SLC15A5: variants seen among roughly 807,000 people sequenced by gnomAD.
SLC15A5 encodes Peptide/histidine transporter ENSP00000340402.
SLC15A5 carries 58 observed loss-of-function variants against 56.1 expected under a neutral mutation model. That is an observed-to-expected ratio of 1.03 (90% confidence interval 0.84 to 1.29). The LOEUF is 1.29. Among genes scored for constraint, SLC15A5 ranks in the 50% most tolerant of loss-of-function variants. SLC15A5 has a pLI of 0.00. For synonymous variants in SLC15A5, 264 were observed against 250.5 expected, an observed-to-expected ratio of 1.05 and a Z score of -0.51; for missense variants, 681 against 672.1, an observed-to-expected ratio of 1.01 and a Z score of -0.15.
At chr12:16,218,437 C>G (rs988988554) in intron 6 of SLC15A5, among the ~76,000 whole-genome samples, 25 of 152,058 alleles carry the variant, frequency 1.6e-4, no homozygotes, top group Admixed American at 1.6e-3. Context: ...GGAGATATGT[C>G]CAGAGAAATG....
At chr12:16,241,121 T>A (rs1436687322) in intron 4 of SLC15A5, among the ~76,000 whole-genome samples, 8 of 152,088 alleles carry the variant, frequency 5.3e-5, no homozygotes, top group Non-Finnish European at 1.0e-4. Context: ...CCCATCATGA[T>A]CTTTAGTAGC....
chr12:16,226,088 C>T lies in SLC15A5; in HGVS notation c.1163-1486G>A, dbSNP rs114415433. On this transcript the variant is annotated intron_variant, in intron 5 of 8. Transcript: ENST00000344941. Reference sequence around the variant, plus strand: ...CTGCTGGGGATTGGTTCCAAGACCCCAAAGACACCAAAATTCCTGCTGCTC... The same window carrying T: ...CTGCTGGGGATTGGTTCCAAGACCCTAAAGACACCAAAATTCCTGCTGCTC... Among the ~76,000 whole-genome samples the T allele has an allele frequency of 6.5e-3, 988 of 152,234 alleles. 14 individuals are homozygous for T. The highest frequency in any genetic ancestry group is 0.023 in the African/African-American group (948 of 41,544).
chr12:16,272,547 C>T lies in SLC15A5; in HGVS notation c.584+14G>A, dbSNP rs973763312. The T allele has an allele frequency of 6.5e-7, 1 of 1,534,748 alleles. No individual in the cohort carries two copies. The highest frequency in any genetic ancestry group is 1.4e-5 in the African/African-American group (1 of 72,964). The stretch of plus-strand genomic sequence containing the variant: ...GTCATAAGCCTCTTTTCTCTCCTAG[C>T]CAGTGCTACTTACCAGTTAAAAAAA... On this transcript the variant is annotated intron_variant, in intron 2 of 8. Coordinates refer to ENST00000344941, the MANE Select transcript of SLC15A5 (RefSeq NM_001170798.1).
At chr12:16,250,532 A>C (rs190358868) in intron 3 of SLC15A5, among the ~76,000 whole-genome samples, 47 of 152,152 alleles carry the variant, frequency 3.1e-4, no homozygotes, top group Non-Finnish European at 6.5e-4. Context: ...GTCTGAGTTA[A>C]ACAAGATGAA....
intron 5 of SLC15A5, among the ~76,000 whole-genome samples, chr12:16,230,008 G>A (rs1033787033): frequency 3.9e-5 from 6 of 152,026 alleles, no homozygotes; most frequent in Non-Finnish European, 8.8e-5. Flanking sequence ...GATGGAAGAG[G>A]AGTCAATGGA....
At chr12:16,229,985 T>G (rs1046114465) in intron 5 of SLC15A5, among the ~76,000 whole-genome samples, 8 of 152,058 alleles carry the variant, frequency 5.3e-5, no homozygotes, top group South Asian at 2.1e-4. Flanking sequence ...AAAGGCTTAG[T>G]CATGTTTGTA....
intron 6 of SLC15A5, among the ~76,000 whole-genome samples, chr12:16,219,553 A>G (rs1031745617): frequency 2.0e-5 from 3 of 152,030 alleles, no homozygotes; most frequent in South Asian, 2.1e-4. Flanking sequence ...TCCTGCTAGA[A>G]CTTCTGGTAC....
At chr12:16,259,714 T>G (rs568623259) in intron 2 of SLC15A5, among the ~76,000 whole-genome samples, 1 of 152,262 alleles carries the variant, frequency 6.6e-6, no homozygotes, top group East Asian at 1.9e-4. Flanking sequence ...AGAGTTGAAT[T>G]TTAACTAAGA....
At chr12:16,203,188 G>C (rs1181113864) in intron 7 of SLC15A5, among the ~76,000 whole-genome samples, 1 of 151,906 alleles carries the variant, frequency 6.6e-6, no homozygotes, top group Non-Finnish European at 1.5e-5. Context: ...AGACTGATTT[G>C]ATCATTCCAC....
At chr12:16,204,673 C>T (rs976894589) in intron 7 of SLC15A5, among the ~76,000 whole-genome samples, 2 of 151,952 alleles carry the variant, frequency 1.3e-5, no homozygotes, top group African/African-American at 4.8e-5. Context: ...GTCCCAAGAT[C>T]ACCTACAAAT....
chr12:16,214,768 A>T (rs1314582277), intron 7 of SLC15A5, among the ~76,000 whole-genome samples: 1 of 152,238 alleles, frequency 6.6e-6, no homozygotes, highest in East Asian at 1.9e-4. Flanking sequence ...AATTATAAAT[A>T]TTGTACTTTT....
At chr12:16,221,133 A>G (rs888323165) in intron 6 of SLC15A5, among the ~76,000 whole-genome samples, 3 of 152,190 alleles carry the variant, frequency 2.0e-5, no homozygotes, top group Non-Finnish European at 2.9e-5. Context: ...ATTGTACCAT[A>G]TAGAAATAGC....
chr12:16,252,024 T>A (rs1228938504), intron 3 of SLC15A5, among the ~76,000 whole-genome samples: 1 of 151,878 alleles, frequency 6.6e-6, no homozygotes, highest in Admixed American at 6.6e-5. Flanking sequence ...ATTACATCAA[T>A]GTATTACATC....
At chr12:16,193,677 A>G (rs1387434583) in intron 8 of SLC15A5, among the ~76,000 whole-genome samples, 1 of 151,884 alleles carries the variant, frequency 6.6e-6, no homozygotes, top group Non-Finnish European at 1.5e-5. Flanking sequence ...TCGTCCCCGT[A>G]AAACCCACAA....
intron 5 of SLC15A5, among the ~76,000 whole-genome samples, chr12:16,226,871 T>C (rs1015557748): frequency 3.9e-5 from 6 of 152,198 alleles, no homozygotes; most frequent in African/African-American, 1.2e-4. Flanking sequence ...AGGCAAACTT[T>C]AGCTTGATGG....
chr12:16,252,644 A>G (rs1434566584), intron 3 of SLC15A5, among the ~76,000 whole-genome samples: 1 of 152,072 alleles, frequency 6.6e-6, no homozygotes, highest in Admixed American at 6.6e-5. Context: ...TTACTAAAAA[A>G]AATTGAAGAA....
Position 16,223,451 on chromosome 12 carries a change from G to C in SLC15A5, c.1351+963C>G, listed in dbSNP as rs190892637. ...TAAATAGATGTACACACACATTACT[G>C]TATTGCAAGAAGCCACTGAAATATT... On this transcript the variant is annotated intron_variant, in intron 6 of 8. Transcript: ENST00000344941. Among the ~76,000 whole-genome samples, 9 of 152,294 alleles carry C rather than the reference G, an allele frequency of 5.9e-5. No individual in the cohort carries two copies. The East Asian group carries it at 1.3e-3, about 23-fold the overall frequency.
intron 7 of SLC15A5, among the ~76,000 whole-genome samples, chr12:16,209,692 C>T (rs1157745032): frequency 1.3e-5 from 2 of 152,178 alleles, no homozygotes; most frequent in African/African-American, 4.8e-5. Context: ...CCTCCTCCCT[C>T]TTGCATCCTA....
chr12:16,233,693 G>A (rs1012645919), intron 5 of SLC15A5, among the ~76,000 whole-genome samples: 4 of 152,268 alleles, frequency 2.6e-5, no homozygotes, highest in South Asian at 2.1e-4. Context: ...TGAGAGAGCC[G>A]TCTTTTGGGC....
Sources: allele counts gnomAD v4.1 joint callset (sites outside exome capture counted in the v4.1 genomes callset), GRCh38; gene constraint gnomAD v4.1.1; transcripts MANE v1.5; gene names NCBI Gene and HGNC (gene_info 2026-07-23, HGNC 2026-07-21).